Variants in CEP72 observed in about 807,000 individuals in gnomAD.
The protein encoded by CEP72 is centrosomal protein of 72 kDa.
A neutral mutation model predicts 65.7 loss-of-function variants in CEP72; 78 were observed. The observed-to-expected ratio is 1.19, with a 90% confidence interval of 0.99 to 1.43. The LOEUF is 1.43. Ranked by LOEUF, CEP72 falls within the 40% of genes most tolerant of loss-of-function variation. The pLI is 0.00. For synonymous variants in CEP72, 358 were observed against 351.7 expected (o/e 1.02, Z -0.20); for missense variants, 914 against 832.9 (o/e 1.10, Z -1.20).
intron 4 of CEP72, among the ~76,000 whole-genome samples, chr5:629,578 G>A (rs6896354): frequency 6.9e-4 from 61 of 88,662 alleles, no homozygotes; most frequent in African/African-American, 1.1e-3. Context: ...CCGGGATTTG[G>A]CCCAGTCCTG....
Position 647,856 on chromosome 5 carries a change from A to G in CEP72, c.1718A>G (p.Gln573Arg), listed in dbSNP as rs762025257. ...RLCGEIVELKQHLEHYDKIQE... is the reference protein window; with the variant it reads ...RLCGEIVELKRHLEHYDKIQE... ...TGTGGCGAGATTGTGGAACTGAAGC[A>G]GCACCTGGAGCACTACGACAAGATC... Residue 573 changes from glutamine to arginine, a missense_variant, in exon 11 of 12, where the codon CAG becomes CGG. Physicochemically the swap from Gln to Arg is conservative, Grantham distance 43. Coordinates refer to ENST00000264935, the MANE Select transcript of CEP72 (RefSeq NM_018140.4). The G allele has an allele frequency of 2.7e-5, 43 of 1,612,650 alleles. No homozygotes were observed. The highest frequency in any genetic ancestry group is 3.6e-5 in the Non-Finnish European group (43 of 1,179,952).
downstream of CEP72, among the ~76,000 whole-genome samples, chr5:659,461 ATT>A (rs1263083098): frequency 2.0e-5 from 3 of 152,316 alleles, no homozygotes; most frequent in Non-Finnish European, 4.4e-5. Flanking sequence ...AAATGCCTTT[ATT>A]GTATCCTCAT....
chr5:614,470 G>C (rs1254286536), intron 1 of CEP72, among the ~76,000 whole-genome samples: 1 of 122,164 alleles, frequency 8.2e-6, no homozygotes, highest in African/African-American at 3.2e-5. Flanking sequence ...TTTTTTTGAG[G>C]TGGAGTCTCG....
At chr5:670,559 C>T (rs979838895), downstream of CEP72, among the ~76,000 whole-genome samples, 76 of 152,144 alleles carry the variant, frequency 5.0e-4, no homozygotes, top group African/African-American at 1.8e-3. Context: ...CTGGGCCCCA[C>T]GGGGGGAGGG....
chr5:644,520 G>A, intron 10 of CEP72, 95 bp downstream of exon 10: 1 of 1,410,154 alleles, frequency 7.1e-7, no homozygotes, highest in Non-Finnish European at 9.9e-7. Flanking sequence ...AGGGAAGTGA[G>A]CAGCAGCAGA....
intron 11 of CEP72, among the ~76,000 whole-genome samples, 162 bp downstream of exon 11, chr5:648,078 A>G (rs1353923680): frequency 6.6e-6 from 1 of 152,190 alleles, no homozygotes; most frequent in Non-Finnish European, 1.5e-5. Context: ...ACTTTCATAA[A>G]CTTTCCTCTC....
chr5:635,678 G>T (rs188820050), intron 6 of CEP72, 94 bp downstream of exon 6: 1 of 1,068,890 alleles, frequency 9.4e-7, no homozygotes, highest in East Asian at 2.4e-5. Flanking sequence ...GTGGCTCATG[G>T]TTCTGGAGGC....
At chr5:642,466 G>A (rs570580595) in intron 9 of CEP72, 6 of 985,498 alleles carry the variant, frequency 6.1e-6, no homozygotes, top group East Asian at 1.1e-4. Flanking sequence ...CACTGATGAT[G>A]TCTTTTCTGT....
At chr5:616,343 C>T (rs1203775832) in intron 1 of CEP72, among the ~76,000 whole-genome samples, 3 of 151,794 alleles carry the variant, frequency 2.0e-5, no homozygotes, top group South Asian at 4.2e-4. Context: ...TCTCCTGTTT[C>T]TTTGCTAAGA....
intron 11 of CEP72, 141 bp downstream of exon 11, chr5:648,057 G>A: frequency 1.6e-6 from 1 of 613,508 alleles, no homozygotes; most frequent in Non-Finnish European, 3.0e-6. Flanking sequence ...CAGGACCACT[G>A]CTGATTTGAA....
downstream of CEP72, among the ~76,000 whole-genome samples, chr5:669,353 T>C (rs2126877908): frequency 6.6e-6 from 1 of 152,272 alleles, no homozygotes. Context: ...ATTTAGCCCC[T>C]TGACGCGCTC....
intron 1 of CEP72, among the ~76,000 whole-genome samples, chr5:614,826 T>C (rs1561021253): frequency 6.6e-6 from 1 of 152,226 alleles, no homozygotes; most frequent in Non-Finnish European, 1.5e-5. Flanking sequence ...TCTATGTTGT[T>C]GAATGTTCCA....
chr5:659,633 A>T (rs1003922458), downstream of CEP72, among the ~76,000 whole-genome samples: 1 of 152,192 alleles, frequency 6.6e-6, no homozygotes, highest in African/African-American at 2.4e-5. Context: ...CCAGTGCTAG[A>T]GCAGGACTCA....
At chr5:674,988 G>A in the CEP72 span, among the ~76,000 whole-genome samples, 1 of 147,022 alleles carries the variant, frequency 6.8e-6, no homozygotes, top group South Asian at 2.3e-4. Flanking sequence ...AGGATCTGTG[G>A]CCGGGGGAGC....
At chr5:626,872 C>T (rs1461063994) in intron 4 of CEP72, among the ~76,000 whole-genome samples, 1 of 152,118 alleles carries the variant, frequency 6.6e-6, no homozygotes, top group Non-Finnish European at 1.5e-5. Flanking sequence ...TAGAATAAAT[C>T]CTGCCTGATT....
intron 1 of CEP72, among the ~76,000 whole-genome samples, chr5:615,221 T>C (rs548696148): frequency 6.6e-6 from 1 of 150,502 alleles, no homozygotes; most frequent in Admixed American, 6.7e-5. Context: ...CTGCAACCTC[T>C]GCCTCCCGGG....
chr5:674,976 A>C, the CEP72 span, among the ~76,000 whole-genome samples: 3 of 139,924 alleles, frequency 2.1e-5, no homozygotes, highest in Non-Finnish European at 4.6e-5. Flanking sequence ...GTCAGTCCAC[A>C]AAGGATCTGT....
At chr5:637,346 G>A (rs1248623964) in intron 6 of CEP72, among the ~76,000 whole-genome samples, 171 bp from the exon 7 acceptor site, 2 of 152,184 alleles carry the variant, frequency 1.3e-5, no homozygotes, top group African/African-American at 4.8e-5. Flanking sequence ...TTGTGCAGGT[G>A]TATGGATGTA....
the CEP72 span, among the ~76,000 whole-genome samples, chr5:675,304 G>A: frequency 3.6e-3 from 373 of 104,990 alleles, 5 homozygotes; most frequent in African/African-American, 0.014. Flanking sequence ...GGGGTGCAGC[G>A]TGGGAGGTAC....
Sources: gnomAD v4.1 joint callset for allele counts (sites outside exome capture counted in the v4.1 genomes callset) on GRCh38, gnomAD v4.1.1 for gene constraint, MANE v1.5 for transcripts, NCBI Gene and HGNC (gene_info 2026-07-23, HGNC 2026-07-21) for gene names.